The following PRDM16 variants were observed in gnomAD, a reference collection of about 807,000 sequenced individuals.
PRDM16 encodes the protein PR/SET domain 16.
PRDM16 carries 23 observed loss-of-function variants against 110.6 expected under a neutral mutation model. The observed-to-expected ratio is 0.21, with a 90% confidence interval of 0.15 to 0.29. The LOEUF is 0.29. Among genes scored for constraint, PRDM16 ranks in the 10% least tolerant of loss-of-function variants. The pLI is 1.00. For synonymous variants in PRDM16, 799 were observed against 781.8 expected (o/e 1.02, Z -0.37); for missense variants, 1,615 against 1,794.3 (o/e 0.90, Z 1.81).
chr1:3,426,624 A>C lies in PRDM16; in HGVS notation c.3284+399A>C, dbSNP rs577480157. On this transcript the variant is annotated intron_variant, in intron 14 of 16. Coordinates refer to ENST00000270722, the MANE Select transcript of PRDM16 (RefSeq NM_022114.4). ...CACCTTTATACACACATGTACACAC[A>C]TACACATGTGTACACATGCACGCAC... 8.5e-5 allele frequency among the ~76,000 whole-genome samples: 13 copies of C among 152,352 alleles called. No homozygotes were observed. In the South Asian group the frequency reaches 2.7e-3, roughly 32 times the overall value.
At position 3,411,581 on chromosome 1, in the gene PRDM16, C is replaced by A. The variant is rs546992141; in HGVS notation, c.1384C>A (p.Pro462Thr). The A allele has an allele frequency of 1.2e-6, 2 of 1,614,050 alleles. No homozygotes were observed. Among genetic ancestry groups the A allele is most frequent in the East Asian group, 2.2e-5 (1 of 44,884 alleles). Residue 462 changes from proline (P) to threonine (T), a missense_variant, in exon 9 of 17, where the codon CCC becomes ACC. By Grantham distance (38) the Pro-to-Thr change is conservative. Coordinates refer to ENST00000270722, the MANE Select transcript of PRDM16 (RefSeq NM_022114.4). Reference protein sequence around the residue: ...TPGGIFAPGLPLTPSPMMDKA... With the variant: ...TPGGIFAPGLTLTPSPMMDKA... ...GGGCGGCATCTTTGCCCCGGGCCTGCCCTTGACCCCCAGCCCCATGATGGA... is the reference window on the plus strand; with the variant it reads ...GGGCGGCATCTTTGCCCCGGGCCTGACCTTGACCCCCAGCCCCATGATGGA...
intron 3 of PRDM16, chr1:3,308,264 C>T (rs1456877364): frequency 6.6e-6 from 1 of 152,308 alleles, no homozygotes; most frequent in Non-Finnish European, 1.5e-5. Context: ...GCTGGAGACT[C>T]CACGCCACAG....
chr1:3,379,720 A>G (rs867819750), intron 3 of PRDM16, among the ~76,000 whole-genome samples: 1 of 3,770 alleles, frequency 2.7e-4, no homozygotes. Context: ...ACCCCTCCCA[A>G]CACACCCATC....
chr1:3,212,213 G>A (rs1638902554), intron 2 of PRDM16, among the ~76,000 whole-genome samples: 1 of 152,196 alleles, frequency 6.6e-6, no homozygotes, highest in Admixed American at 6.5e-5. Flanking sequence ...GCCCAAAAGA[G>A]CACATGGGTG....
At chr1:3,408,899 TGAGG>T (rs1331610725) in intron 8 of PRDM16, among the ~76,000 whole-genome samples, 6 of 127,544 alleles carry the variant, frequency 4.7e-5, no homozygotes, top group Non-Finnish European at 3.2e-5. Flanking sequence ...TGAGAGCGCA[TGAGG>T]GTGGGCGTGT....
At chr1:3,418,383 T>C (rs958554229) in intron 11 of PRDM16, among the ~76,000 whole-genome samples, 1 of 152,216 alleles carries the variant, frequency 6.6e-6, no homozygotes, top group Non-Finnish European at 1.5e-5. Flanking sequence ...GGTGCAGGCC[T>C]GTCCAAGTCT....
At chr1:3,429,098 G>A (rs78881224) in intron 14 of PRDM16, among the ~76,000 whole-genome samples, 2,073 of 152,280 alleles carry the variant, frequency 0.014, 56 homozygotes, top group African/African-American at 0.047. Flanking sequence ...CGGCAGCAGC[G>A]GGAGCTGGAG....
chr1:3,312,550 C>T (rs1217520488), intron 3 of PRDM16, among the ~76,000 whole-genome samples: 2 of 152,210 alleles, frequency 1.3e-5, no homozygotes, highest in African/African-American at 2.4e-5. Context: ...GGAGCCCATC[C>T]GGATCCGGGG....
intron 1 of PRDM16, among the ~76,000 whole-genome samples, chr1:3,084,841 G>C (rs1025698885): frequency 8.5e-5 from 13 of 152,204 alleles, no homozygotes; most frequent in Non-Finnish European, 1.8e-4. Flanking sequence ...GGCAGGCCAG[G>C]GAAGTGATTC....
At chr1:3,299,504 G>A (rs12739443) in intron 3 of PRDM16, among the ~76,000 whole-genome samples, 14 of 107,852 alleles carry the variant, frequency 1.3e-4, no homozygotes, top group African/African-American at 4.5e-4. Context: ...GATCCCAGTC[G>A]TGGTGACTCT....
chr1:3,139,135 C>T (rs1012842706), intron 1 of PRDM16, among the ~76,000 whole-genome samples: 7 of 151,866 alleles, frequency 4.6e-5, no homozygotes, highest in East Asian at 1.9e-4. Context: ...CACACGTGGA[C>T]GAGTTTTCAG....
chr1:3,279,620 A>G lies in PRDM16; in HGVS notation c.438+35483A>G, dbSNP rs537967773. Among the ~76,000 whole-genome samples, 6 of 152,310 alleles carry G rather than the reference A, an allele frequency of 3.9e-5. No individual in the cohort carries two copies. In the South Asian group the frequency reaches 1.2e-3, roughly 32 times the overall value. The stretch of plus-strand genomic sequence containing the variant: ...CTGAGGAAGGTGCCGGCCCCTCTCC[A>G]GACTCCTGTGCCACAGGCTGAGGAC... On this transcript the variant is annotated intron_variant, in intron 3 of 16. Transcript: ENST00000270722.
At chr1:3,392,501 G>A (rs530440012) in intron 4 of PRDM16, among the ~76,000 whole-genome samples, 7 of 152,304 alleles carry the variant, frequency 4.6e-5, no homozygotes, top group African/African-American at 9.6e-5. Flanking sequence ...CCCACCTGGT[G>A]GAATTTGCAT....
intron 1 of PRDM16, among the ~76,000 whole-genome samples, chr1:3,088,448 A>ATTATTTATTTATTTAT (rs1553122533): frequency 2.1e-4 from 30 of 146,114 alleles, no homozygotes; most frequent in African/African-American, 7.1e-4. Context: ...GGATTCTTTT[A>ATTATTTATTTATTTAT]TTATTTATTT....
chr1:3,085,032 T>C (rs2100585744), intron 1 of PRDM16, among the ~76,000 whole-genome samples: 1 of 152,166 alleles, frequency 6.6e-6, no homozygotes, highest in African/African-American at 2.4e-5. Flanking sequence ...TCCAGCCCCT[T>C]TTCCTGCACC....
chr1:3,334,361 CA>C (rs1425648912), intron 3 of PRDM16, among the ~76,000 whole-genome samples: 5 of 152,186 alleles, frequency 3.3e-5, no homozygotes, highest in African/African-American at 1.2e-4. Context: ...GCACAAAGGC[CA>C]GGGGGAGATG....
chr1:3,079,819 G>A (rs1385888137), intron 1 of PRDM16, among the ~76,000 whole-genome samples: 2 of 152,170 alleles, frequency 1.3e-5, no homozygotes, highest in African/African-American at 2.4e-5. Flanking sequence ...GCAGGCAAGC[G>A]TGCTTCTGAG....
chr1:3,254,513 A>G (rs989713793), intron 3 of PRDM16, among the ~76,000 whole-genome samples: 7 of 151,922 alleles, frequency 4.6e-5, no homozygotes, highest in East Asian at 1.9e-4. Context: ...TTATATACCA[A>G]TAACAGACAG....
chr1:3,166,697 G>A (rs906446686), intron 1 of PRDM16, among the ~76,000 whole-genome samples: 1 of 152,204 alleles, frequency 6.6e-6, no homozygotes, highest in Non-Finnish European at 1.5e-5. Context: ...CAGGGATGAC[G>A]GCTGGAAAGG....
Sources: allele counts gnomAD v4.1 joint callset (sites outside exome capture counted in the v4.1 genomes callset), GRCh38; gene constraint gnomAD v4.1.1; transcripts MANE v1.5; gene names NCBI Gene and HGNC (gene_info 2026-07-23, HGNC 2026-07-21).